The following ATG10 variants were observed in gnomAD, a reference collection of about 807,000 sequenced individuals.
The protein encoded by ATG10 is autophagy related 10, also known as ubiquitin-like-conjugating enzyme ATG10.
A neutral mutation model predicts 32.1 loss-of-function variants in ATG10; 30 were observed. The ratio of observed to expected loss-of-function variants is 0.94; its 90% confidence interval spans 0.70 to 1.27. The LOEUF is 1.27. Ranked by LOEUF, ATG10 falls within the 50% of genes most tolerant of loss-of-function variation. The pLI, the probability that ATG10 is intolerant of heterozygous loss-of-function variation, is 0.00. For missense variants in ATG10, 233 were observed against 262.3 expected, an observed-to-expected ratio of 0.89 and a Z score of 0.77; for synonymous variants, 87 against 91.5, an observed-to-expected ratio of 0.95 and a Z score of 0.28.
intron 3 of ATG10, among the ~76,000 whole-genome samples, chr5:82,133,756 T>G (rs1253644339): frequency 1.3e-5 from 2 of 152,126 alleles, no homozygotes; most frequent in Non-Finnish European, 2.9e-5. Context: ...TCTAAGTCTG[T>G]GAAGAAAGTC....
intron 2 of ATG10, among the ~76,000 whole-genome samples, chr5:82,047,238 T>C (rs1374174191): frequency 6.6e-6 from 1 of 151,994 alleles, no homozygotes. Flanking sequence ...AATTGTTTAA[T>C]AAAAAGTATG....
chr5:82,184,894 A>G (rs16899397), intron 5 of ATG10, among the ~76,000 whole-genome samples: 20,485 of 152,150 alleles, frequency 0.13, 2,115 homozygotes, highest in African/African-American at 0.29. Flanking sequence ...CTGCAGAAAC[A>G]TCAGGTGGCT....
At chr5:82,144,445 T>G (rs1030978762) in intron 3 of ATG10, among the ~76,000 whole-genome samples, 1 of 151,954 alleles carries the variant, frequency 6.6e-6, no homozygotes, top group African/African-American at 2.4e-5. Flanking sequence ...ATAAAAGGAT[T>G]GTAGCTATAA....
At chr5:82,132,693 T>G (rs1766590180) in intron 3 of ATG10, among the ~76,000 whole-genome samples, 1 of 152,046 alleles carries the variant, frequency 6.6e-6, no homozygotes, top group Non-Finnish European at 1.5e-5. Context: ...TTTGCTATTG[T>G]GAAAAGTGCT....
At chr5:82,225,595 A>G (rs1746096418) in intron 5 of ATG10, among the ~76,000 whole-genome samples, 2 of 152,222 alleles carry the variant, frequency 1.3e-5, no homozygotes, top group African/African-American at 4.8e-5. Flanking sequence ...ATTATGTGAC[A>G]GAGAATGTGG....
chr5:82,005,565 G>A (rs1211192306), intron 2 of ATG10, among the ~76,000 whole-genome samples: 1 of 152,202 alleles, frequency 6.6e-6, no homozygotes, highest in Non-Finnish European at 1.5e-5. Flanking sequence ...AAAGTGCTGG[G>A]ATTACAGGCG....
At chr5:82,193,511 A>T (rs1744738567) in intron 5 of ATG10, among the ~76,000 whole-genome samples, 1 of 152,208 alleles carries the variant, frequency 6.6e-6, no homozygotes, top group Admixed American at 6.5e-5. Context: ...CCTCTACTGG[A>T]GGATAGTCAG....
At chr5:82,043,780 T>C (rs1348593449) in intron 2 of ATG10, among the ~76,000 whole-genome samples, 1 of 152,176 alleles carries the variant, frequency 6.6e-6, no homozygotes, top group Non-Finnish European at 1.5e-5. Context: ...TGATCTTTAC[T>C]CTGGTTCCCA....
At chr5:82,164,728 T>C (rs890436191) in intron 4 of ATG10, among the ~76,000 whole-genome samples, 191 bp downstream of exon 4, 1 of 152,242 alleles carries the variant, frequency 6.6e-6, no homozygotes, top group Non-Finnish European at 1.5e-5. Context: ...GTGAATGATA[T>C]CATCTCAGCC....
At chr5:82,113,841 G>A (rs1005559104) in intron 3 of ATG10, among the ~76,000 whole-genome samples, 5 of 151,586 alleles carry the variant, frequency 3.3e-5, no homozygotes, top group African/African-American at 7.3e-5. Context: ...TTCCCTTAAG[G>A]TACTCACTTC....
chr5:82,252,201 A>G (rs1399888449), intron 5 of ATG10, among the ~76,000 whole-genome samples: 1 of 152,230 alleles, frequency 6.6e-6, no homozygotes, highest in Non-Finnish European at 1.5e-5. Context: ...TAGGTTGTCA[A>G]ACTACTGAGC....
At position 81,972,146 on chromosome 5, in the gene ATG10, C is replaced by T. The variant is rs1009532345; in HGVS notation, c.-173C>T. 1.3e-5 allele frequency: 2 copies of T among 152,258 alleles called. No homozygotes were observed. Among genetic ancestry groups the T allele is most frequent in the Non-Finnish European group, 2.9e-5 (2 of 68,082 alleles). The allele number at this position is 152,258 out of a possible 1,614,324, so 9.4% of individuals were successfully genotyped here. A position where few individuals can be genotyped will look rare whatever the true frequency, so the allele number is the denominator to read the frequency against. On this transcript the variant is annotated 5_prime_UTR_variant, in exon 1 of 8. Transcript: ENST00000282185. The stretch of plus-strand genomic sequence containing the variant: ...CGCGCTGGCTCGGCTCTTCCTCCGC[C>T]CTCGAGGCCCCCGCAGTCCCATCAT...
chr5:82,002,242 G>T lies in ATG10; in HGVS notation c.108+14564G>T, dbSNP rs148906181. 9.8e-5 allele frequency among the ~76,000 whole-genome samples: 15 copies of T among 152,322 alleles called. No homozygotes were observed. In the East Asian group the frequency reaches 2.3e-3, roughly 23 times the overall value. ...GAAAGCAGTTTGGCAATTTTCCAAA[G>T]AACTCAAAGCAGAATTACCATTTGA... On this transcript the variant is annotated intron_variant, in intron 2 of 7. Coordinates refer to ENST00000282185, the MANE Select transcript of ATG10 (RefSeq NM_031482.5).
intron 3 of ATG10, among the ~76,000 whole-genome samples, chr5:82,087,201 G>A (rs1013560271): frequency 5.3e-5 from 8 of 152,108 alleles, no homozygotes; most frequent in Non-Finnish European, 1.0e-4. Context: ...AATTTTCAAG[G>A]AAAGGAGAAA....
chr5:82,187,876 C>T (rs956432962), intron 5 of ATG10, among the ~76,000 whole-genome samples: 4 of 152,192 alleles, frequency 2.6e-5, no homozygotes, highest in Admixed American at 6.5e-5. Flanking sequence ...GCATGAGCCA[C>T]CACACCTGGC....
intron 1 of ATG10, among the ~76,000 whole-genome samples, chr5:81,983,428 C>T (rs1280838276): frequency 6.8e-6 from 1 of 147,116 alleles, no homozygotes; most frequent in Non-Finnish European, 1.5e-5. Flanking sequence ...CCCCCACCTC[C>T]CTCCCGGACG....
intron 3 of ATG10, among the ~76,000 whole-genome samples, chr5:82,091,934 G>C (rs772740152): frequency 5.9e-5 from 9 of 152,098 alleles, no homozygotes; most frequent in Non-Finnish European, 1.0e-4. Flanking sequence ...AAAGTTTTCT[G>C]AATAATAAGA....
chr5:82,165,302 T>G (rs899151959), intron 4 of ATG10, among the ~76,000 whole-genome samples: 4 of 152,380 alleles, frequency 2.6e-5, no homozygotes, highest in Middle Eastern at 3.4e-3. Context: ...TCTGGCCTTA[T>G]CAGCAGCATT....
intron 5 of ATG10, among the ~76,000 whole-genome samples, chr5:82,184,925 C>T (rs1335946650): frequency 6.6e-6 from 1 of 152,158 alleles, no homozygotes; most frequent in Non-Finnish European, 1.5e-5. Context: ...CTTCTATGCT[C>T]AGAAAAGTCT....
Sources: gnomAD v4.1 joint callset for allele counts (sites outside exome capture counted in the v4.1 genomes callset) on GRCh38, gnomAD v4.1.1 for gene constraint, MANE v1.5 for transcripts, NCBI Gene and HGNC (gene_info 2026-07-23, HGNC 2026-07-21) for gene names.